The following RSPRY1 variants were observed in gnomAD, a reference collection of about 807,000 sequenced individuals.
RSPRY1 encodes the protein ring finger and SPRY domain containing 1.
A neutral mutation model predicts 73.1 loss-of-function variants in RSPRY1; 23 were observed. That is an observed-to-expected ratio of 0.31 (90% CI 0.23 to 0.45). The LOEUF is 0.45. Among genes scored for constraint, RSPRY1 ranks in the 20% least tolerant of loss-of-function variants. The pLI, the probability that RSPRY1 is intolerant of heterozygous loss-of-function variation, is 1.00. For synonymous variants in RSPRY1, 226 were observed against 251.4 expected, an observed-to-expected ratio of 0.90 and a Z score of 0.95; for missense variants, 448 against 698.7, an observed-to-expected ratio of 0.64 and a Z score of 4.05.
chr16:57,239,685 A>G lies in RSPRY1; in HGVS notation c.*710A>G, dbSNP rs899707062. On this transcript the variant is annotated 3_prime_UTR_variant, in exon 15 of 15. Transcript: ENST00000394420. ...GTGTTTCTATCCAATTTCAGTACCC[A>G]CATTTAATGAGGAAAAAATGTTTTA... The G allele has an allele frequency of 6.6e-6, 1 of 151,350 alleles. No homozygotes were observed. The highest frequency in any genetic ancestry group is 1.5e-5 in the Non-Finnish European group (1 of 67,886). 9.4% of individuals were successfully genotyped at this position (151,350 alleles called of 1,614,324 possible). A position where few individuals can be genotyped will look rare whatever the true frequency, so the allele number is the denominator to read the frequency against.
chr16:57,203,603 T>C (rs1348874498), intron 1 of RSPRY1, among the ~76,000 whole-genome samples: 1 of 152,248 alleles, frequency 6.6e-6, no homozygotes, highest in Admixed American at 6.5e-5. Context: ...ACCAGCTTCT[T>C]GAAGAGCTGG....
intron 2 of RSPRY1, chr16:57,207,635 C>G (rs1467769864): frequency 2.2e-6 from 1 of 457,094 alleles, no homozygotes; most frequent in Non-Finnish European, 4.4e-6. Flanking sequence ...GCCCTTGCTT[C>G]CATAAGTCCT....
At chr16:57,207,367 C>A (rs1225103352) in intron 2 of RSPRY1, among the ~76,000 whole-genome samples, 3 of 151,234 alleles carry the variant, frequency 2.0e-5, no homozygotes, top group Non-Finnish European at 2.9e-5. Context: ...AATATGTAAA[C>A]AAATAAGTGG....
chr16:57,221,731 T>C (rs1318793492), intron 10 of RSPRY1, among the ~76,000 whole-genome samples: 2 of 152,242 alleles, frequency 1.3e-5, no homozygotes, highest in African/African-American at 4.8e-5. Flanking sequence ...TCATTTCTTA[T>C]ACAGGAAGTA....
chr16:57,214,520 T>C (rs2074903661), intron 6 of RSPRY1, among the ~76,000 whole-genome samples: 1 of 152,214 alleles, frequency 6.6e-6, no homozygotes, highest in African/African-American at 2.4e-5. Context: ...TTGGCCCTTT[T>C]CAAAACTCTG....
chr16:57,238,418 C>G (rs1208059372), intron 14 of RSPRY1, among the ~76,000 whole-genome samples: 1 of 152,058 alleles, frequency 6.6e-6, no homozygotes, highest in African/African-American at 2.4e-5. Context: ...TAGTTTGGTC[C>G]CATTACTATA....
intron 11 of RSPRY1, among the ~76,000 whole-genome samples, chr16:57,230,479 A>G (rs572000372): frequency 8.5e-5 from 13 of 152,344 alleles, no homozygotes; most frequent in South Asian, 2.1e-4. Context: ...ATTGGGATGC[A>G]TCTTAAGATT....
At chr16:57,221,533 C>G in intron 10 of RSPRY1, 118 bp downstream of exon 10, 1 of 1,100,746 alleles carries the variant, frequency 9.1e-7, no homozygotes. Context: ...TTTTCTTGGG[C>G]AGAGCCACAT....
chr16:57,193,057 G>T (rs1426857668), intron 1 of RSPRY1, among the ~76,000 whole-genome samples: 1 of 152,100 alleles, frequency 6.6e-6, no homozygotes, highest in Non-Finnish European at 1.5e-5. Flanking sequence ...ACTTTCAAAG[G>T]TGTGCTTTCT....
chr16:57,210,048 T>TCCCG (rs1567498700), intron 4 of RSPRY1, among the ~76,000 whole-genome samples: 1 of 52,464 alleles, frequency 1.9e-5, no homozygotes, highest in Non-Finnish European at 3.9e-5. Context: ...CCTCCCTCCC[T>TCCCG]TCCTCCCTTC....
intron 9 of RSPRY1, 32 bp from the exon 10 acceptor site, chr16:57,221,240 T>C (rs931876483): frequency 6.2e-7 from 1 of 1,611,430 alleles, no homozygotes; most frequent in African/African-American, 1.3e-5. Flanking sequence ...CAGGCCCTCA[T>C]AGTTGATTGA....
At chr16:57,197,336 T>C (rs1329687874) in intron 1 of RSPRY1, among the ~76,000 whole-genome samples, 1 of 152,232 alleles carries the variant, frequency 6.6e-6, no homozygotes, top group Non-Finnish European at 1.5e-5. Flanking sequence ...TCTGTGGCTG[T>C]AGCCCTCAAG....
chr16:57,226,715 CT>C (rs1374463253), intron 10 of RSPRY1, among the ~76,000 whole-genome samples: 1 of 152,178 alleles, frequency 6.6e-6, no homozygotes, highest in Non-Finnish European at 1.5e-5. Context: ...TGGCTGGCTT[CT>C]TTATTGCATC....
At position 57,212,972 on chromosome 16, in the gene RSPRY1, G is replaced by T; in HGVS notation, c.517G>T (p.Asp173Tyr). Reference sequence around the variant, plus strand: ...ACCCACTTGTACTTTTTTGTTTTAGGATGCACTCCAGAAATTGACTGAAAT... The same window carrying T: ...ACCCACTTGTACTTTTTTGTTTTAGTATGCACTCCAGAAATTGACTGAAAT... The part of the protein sequence containing the change: ...LLDECPLPTK[D>Y]ALQKLTEILN... Residue 173 changes from aspartate to tyrosine, a missense_variant and splice_region_variant, in exon 5 of 15, where the codon GAT (aspartate) becomes TAT (tyrosine). Physicochemically the swap from Asp to Tyr is radical, Grantham distance 160. Transcript: ENST00000394420. 6.2e-7 allele frequency: 1 copy of T among 1,612,060 alleles called. No homozygotes were observed.
In RSPRY1 at chr16:57,231,267, ACTTTTAATGACTACGC is replaced by A; in HGVS notation, c.1481_1496del (p.Phe494SerfsTer2). On this transcript the variant is annotated frameshift_variant, in exon 13 of 15. Transcript: ENST00000394420. LOFTEE classifies it high-confidence loss of function. ...ATACCCACCATCTATGAAATTTAGC[ACTTTTAATGACTACGC>A]CTTCCTAACAGCTGAAGAAAAAATC... 6.2e-7 allele frequency: 1 copy of A among 1,613,924 alleles called. No individual in the cohort carries two copies. Among genetic ancestry groups the A allele is most frequent in the Non-Finnish European group, 8.5e-7 (1 of 1,179,972 alleles).
At chr16:57,198,709 T>C (rs2074500627) in intron 1 of RSPRY1, among the ~76,000 whole-genome samples, 1 of 152,246 alleles carries the variant, frequency 6.6e-6, no homozygotes, top group African/African-American at 2.4e-5. Flanking sequence ...CATTGCCAGT[T>C]ATTTTTAGTA....
intron 6 of RSPRY1, 141 bp from the exon 7 acceptor site, chr16:57,215,966 G>A: frequency 1.6e-6 from 1 of 635,910 alleles, no homozygotes; most frequent in South Asian, 2.0e-5. Flanking sequence ...ATGGATAATT[G>A]AGAACTTGAA....
intron 2 of RSPRY1, among the ~76,000 whole-genome samples, chr16:57,205,527 G>C (rs149195635): frequency 6.6e-6 from 1 of 152,306 alleles, no homozygotes; most frequent in East Asian, 1.9e-4. Flanking sequence ...CTTGTCAGTT[G>C]ATACTGCAAG....
intron 10 of RSPRY1, among the ~76,000 whole-genome samples, chr16:57,221,637 A>C (rs1217986507): frequency 6.6e-6 from 1 of 152,152 alleles, no homozygotes; most frequent in Non-Finnish European, 1.5e-5. Context: ...CTTGAATCTT[A>C]AGTTCACGCT....
Sources: allele counts gnomAD v4.1 joint callset (sites outside exome capture counted in the v4.1 genomes callset), GRCh38; gene constraint gnomAD v4.1.1; transcripts MANE v1.5; gene names NCBI Gene and HGNC (gene_info 2026-07-23, HGNC 2026-07-21).